Variants in PPM1H observed in about 807,000 individuals in gnomAD.
The protein encoded by PPM1H is protein phosphatase, Mg2+/Mn2+ dependent 1H, also known as protein phosphatase 1H.
A neutral mutation model predicts 54.9 loss-of-function variants in PPM1H; 27 were observed. The ratio of observed to expected loss-of-function variants is 0.49; its 90% CI spans 0.36 to 0.68. The LOEUF (loss-of-function observed/expected upper bound fraction) is 0.68. Ranked by LOEUF, PPM1H falls within the 30% of genes least tolerant of loss-of-function variation. PPM1H has a pLI of 0.00. For missense variants in PPM1H, 596 were observed against 667.8 expected, an observed-to-expected ratio of 0.89 and a Z score of 1.19; for synonymous variants, 305 against 270.8, an observed-to-expected ratio of 1.13 and a Z score of -1.24.
chr12:62,930,417 A>C (rs909971586), intron 1 of PPM1H, among the ~76,000 whole-genome samples: 8 of 152,246 alleles, frequency 5.3e-5, no homozygotes, highest in Non-Finnish European at 4.4e-5. Flanking sequence ...GTACAAGTAA[A>C]CAAATGTATC....
At chr12:62,778,153 G>T (rs918948874) in intron 4 of PPM1H, among the ~76,000 whole-genome samples, 7 of 152,194 alleles carry the variant, frequency 4.6e-5, no homozygotes, top group African/African-American at 1.7e-4. Flanking sequence ...AAATGATAGT[G>T]ATATCCAAGT....
At chr12:62,822,638 T>A (rs1214772220) in intron 2 of PPM1H, among the ~76,000 whole-genome samples, 1 of 152,184 alleles carries the variant, frequency 6.6e-6, no homozygotes, top group Non-Finnish European at 1.5e-5. Context: ...TGCTCCTGAA[T>A]GACTACTGGG....
chr12:62,681,057 G>A (rs998550200), intron 8 of PPM1H, among the ~76,000 whole-genome samples: 2 of 152,070 alleles, frequency 1.3e-5, no homozygotes, highest in East Asian at 3.9e-4. Context: ...TTGATGTGGG[G>A]GCTAGAGGAG....
At chr12:62,920,915 A>ATTT (rs1871777113) in intron 1 of PPM1H, among the ~76,000 whole-genome samples, 7 of 151,088 alleles carry the variant, frequency 4.6e-5, no homozygotes, top group African/African-American at 1.7e-4. Flanking sequence ...TTATGTAATT[A>ATTT]ATTAATTTAT....
At chr12:62,823,496 T>C (rs2076917003) in intron 2 of PPM1H, among the ~76,000 whole-genome samples, 2 of 152,166 alleles carry the variant, frequency 1.3e-5, no homozygotes, top group Non-Finnish European at 2.9e-5. Flanking sequence ...GCAAAAATCC[T>C]CAATAAAATA....
intron 5 of PPM1H, among the ~76,000 whole-genome samples, chr12:62,729,861 G>A (rs76893003): frequency 1.3e-5 from 2 of 152,146 alleles, no homozygotes; most frequent in African/African-American, 2.4e-5. Flanking sequence ...CTTTCCAGGG[G>A]CATTCAGATA....
chr12:62,808,374 C>T (rs2076817411), intron 2 of PPM1H, among the ~76,000 whole-genome samples: 1 of 148,516 alleles, frequency 6.7e-6, no homozygotes, highest in African/African-American at 2.6e-5. Flanking sequence ...GTGACCACCC[C>T]TACCCTACCA....
intron 1 of PPM1H, among the ~76,000 whole-genome samples, chr12:62,898,801 C>T (rs1871073705): frequency 6.6e-6 from 1 of 152,184 alleles, no homozygotes; most frequent in East Asian, 1.9e-4. Context: ...AATTGATCAT[C>T]TCTGGCTCTG....
intron 1 of PPM1H, among the ~76,000 whole-genome samples, chr12:62,917,804 G>A (rs1319293786): frequency 6.6e-6 from 1 of 151,920 alleles, no homozygotes; most frequent in East Asian, 1.9e-4. Context: ...TAAAGGGTGG[G>A]GAGAGCAGGA....
chr12:62,671,307 C>T (rs1309506311), intron 8 of PPM1H, among the ~76,000 whole-genome samples: 2 of 152,038 alleles, frequency 1.3e-5, no homozygotes, highest in African/African-American at 4.8e-5. Context: ...ATGGTCAGAC[C>T]TTCTAATGGC....
intron 1 of PPM1H, among the ~76,000 whole-genome samples, chr12:62,892,312 T>A (rs1870827295): frequency 6.6e-6 from 1 of 152,234 alleles, no homozygotes; most frequent in African/African-American, 2.4e-5. Flanking sequence ...AGCCTCTTAC[T>A]GCTTTGAAAT....
chr12:62,902,158 C>T (rs747109351), intron 1 of PPM1H, among the ~76,000 whole-genome samples: 3 of 151,816 alleles, frequency 2.0e-5, no homozygotes, highest in Non-Finnish European at 4.4e-5. Context: ...GTCAGGAGTT[C>T]GAGACCAGCC....
At chr12:62,701,661 A>C (rs774081490) in intron 6 of PPM1H, among the ~76,000 whole-genome samples, 2 of 151,302 alleles carry the variant, frequency 1.3e-5, no homozygotes, top group Non-Finnish European at 2.9e-5. Flanking sequence ...CCTTGTAACA[A>C]TGGCTTTCTT....
rs137891992 is a variant in PPM1H at position 62,873,745 on chromosome 12, C to T, written c.246-41466G>A. ...CAGGCTGTGTAAAAGTTTGTGGGGA[C>T]GGGAATAAATAAAAACGGTCTTTAG... On this transcript the variant is annotated intron_variant, in intron 1 of 9. Transcript: ENST00000228705. 5.1e-3 allele frequency among the ~76,000 whole-genome samples: 773 copies of T among 152,140 alleles called. 15 individuals are homozygous for T. The highest frequency in any genetic ancestry group is 0.018 in the African/African-American group (737 of 41,502).
intron 8 of PPM1H, among the ~76,000 whole-genome samples, chr12:62,678,891 T>C (rs2076002584): frequency 1.3e-5 from 2 of 152,102 alleles, no homozygotes; most frequent in Non-Finnish European, 2.9e-5. Context: ...TTCACCATGT[T>C]GGCCAGGCTG....
intron 4 of PPM1H, among the ~76,000 whole-genome samples, chr12:62,786,994 A>C (rs916136066): frequency 6.6e-6 from 1 of 152,194 alleles, no homozygotes; most frequent in African/African-American, 2.4e-5. Context: ...ACCTTCAACA[A>C]ACACCAATCT....
At chr12:62,931,294 C>T (rs988615891) in intron 1 of PPM1H, among the ~76,000 whole-genome samples, 9 of 152,166 alleles carry the variant, frequency 5.9e-5, no homozygotes, top group African/African-American at 2.2e-4. Flanking sequence ...AGCAATCTTC[C>T]TACCTATTCA....
At chr12:62,915,277 T>G (rs974869214) in intron 1 of PPM1H, among the ~76,000 whole-genome samples, 4 of 152,242 alleles carry the variant, frequency 2.6e-5, no homozygotes, top group Non-Finnish European at 5.9e-5. Flanking sequence ...TCAGTGGCTC[T>G]TTATTTCTTG....
intron 4 of PPM1H, among the ~76,000 whole-genome samples, chr12:62,758,197 G>A (rs1249643444): frequency 1.3e-5 from 2 of 152,128 alleles, no homozygotes; most frequent in East Asian, 3.9e-4. Context: ...TTGTAGTTGT[G>A]AGATCTCTTT....
Sources: allele counts gnomAD v4.1 joint callset (sites outside exome capture counted in the v4.1 genomes callset), GRCh38; gene constraint gnomAD v4.1.1; transcripts MANE v1.5; gene names NCBI Gene and HGNC (gene_info 2026-07-23, HGNC 2026-07-21).